Variants in ZNF710 observed in about 807,000 individuals in gnomAD.
The protein encoded by ZNF710 is zinc finger protein 710.
A neutral mutation model predicts 50.6 loss-of-function variants in ZNF710; 13 were observed. The ratio of observed to expected loss-of-function variants is 0.26; its 90% CI spans 0.17 to 0.41. ZNF710 has a LOEUF of 0.41. ZNF710 is among the 10% of genes least tolerant of loss of function. ZNF710 has a pLI of 1.00. For missense variants in ZNF710, 721 were observed against 936.6 expected (o/e 0.77, Z 3.01); for synonymous variants, 383 against 397.0 (o/e 0.96, Z 0.42).
At chr15:90,024,557 C>T (rs547475896) in intron 1 of ZNF710, among the ~76,000 whole-genome samples, 1 of 152,342 alleles carries the variant, frequency 6.6e-6, no homozygotes, top group South Asian at 2.1e-4. Flanking sequence ...GGGAAGGGAG[C>T]GCAGGTGGCT....
Position 90,068,310 on chromosome 15 carries a change from C to T in ZNF710, c.1173C>T (p.Pro391=), listed in dbSNP as rs750839895. The T allele has an allele frequency of 1.1e-5, 18 of 1,612,958 alleles. No homozygotes were observed. Among genetic ancestry groups the T allele is most frequent in the Non-Finnish European group, 1.4e-5 (17 of 1,180,026 alleles). Residue 391 remains proline, a synonymous_variant, in exon 2 of 5, where the codon CCC becomes CCT. Transcript: ENST00000268154. The surrounding 1 kb of genome is among the most constrained non-coding windows in gnomAD (Gnocchi z 5.0). ...TCTGCGGCCGCGGCTTCGCCTACCC[C>T]AGCGAGCTCAAGGCCCACGAAGTGA... ...CHFCGRGFAY[P]SELKAHEVKH... is the part of the protein sequence containing the mutation.
chr15:90,006,609 GA>G (rs1326343414), intron 1 of ZNF710: 1 of 152,642 alleles, frequency 6.6e-6, no homozygotes, highest in Non-Finnish European at 1.5e-5. Flanking sequence ...TAATCATGGA[GA>G]GGGGGAGGGG....
At chr15:90,043,188 C>T (rs1242015048) in intron 1 of ZNF710, among the ~76,000 whole-genome samples, 1 of 152,254 alleles carries the variant, frequency 6.6e-6, no homozygotes, top group East Asian at 1.9e-4. Context: ...GGTGAGTTGC[C>T]ACGGCTTTCA....
At position 90,034,152 on chromosome 15, in the gene ZNF710, C is replaced by T. The variant is rs776298068; in HGVS notation, c.-29+32538C>T. Among the ~76,000 whole-genome samples the T allele has an allele frequency of 1.5e-4, 22 of 151,618 alleles. No individual in the cohort carries two copies. Among genetic ancestry groups the T allele is most frequent in the Non-Finnish European group, 2.6e-4 (18 of 67,942 alleles). On this transcript the variant is annotated intron_variant, in intron 1 of 4. Transcript: ENST00000268154. This position sits in a 1 kb window ranked among gnomAD's most constrained non-coding sequence, Gnocchi z 4.0. The stretch of plus-strand genomic sequence containing the variant: ...GGCAGAGGTTGCAGTGAGCCGAGAT[C>T]GCATCATTGTACTCCAGCCTGGGTG...
Position 90,066,095 on chromosome 15 carries a change from G to C in ZNF710, c.-28-1015G>C. ...TGATATTTTTATCAGTATAAATTTA[G>C]ATATTTAAATGTATAACATTTAGCT... On this transcript the variant is annotated intron_variant, in intron 1 of 4. Coordinates refer to ENST00000268154, the MANE Select transcript of ZNF710 (RefSeq NM_198526.4). Among the ~76,000 whole-genome samples, 3 of 152,250 alleles carry C rather than the reference G, an allele frequency of 2.0e-5. No homozygotes were observed. In the South Asian group the frequency reaches 6.2e-4, roughly 32 times the overall value.
chr15:90,070,867 C>A (rs920519761), intron 2 of ZNF710, among the ~76,000 whole-genome samples: 1 of 152,138 alleles, frequency 6.6e-6, no homozygotes, highest in Admixed American at 6.5e-5. Context: ...GGCAATAAAA[C>A]CCTATGATGG....
intron 1 of ZNF710, among the ~76,000 whole-genome samples, chr15:90,001,869 G>T (rs1898019666): frequency 7.2e-6 from 1 of 138,300 alleles, no homozygotes; most frequent in Non-Finnish European, 1.6e-5. Context: ...AAGAGGGAGA[G>T]ATGGCGTCTG....
chr15:90,052,064 C>G, intron 1 of ZNF710, among the ~76,000 whole-genome samples: 1 of 152,116 alleles, frequency 6.6e-6, no homozygotes, highest in Non-Finnish European at 1.5e-5. Flanking sequence ...TCTCATCTCC[C>G]CCTCCTCGGA....
At chr15:90,007,462 C>T (rs931846885) in intron 1 of ZNF710, among the ~76,000 whole-genome samples, 3 of 151,998 alleles carry the variant, frequency 2.0e-5, no homozygotes, top group African/African-American at 7.2e-5. Flanking sequence ...CAGAAGGTTA[C>T]ATGTGTGCAC....
intron 1 of ZNF710, chr15:90,045,430 G>T (rs948922592): frequency 1.9e-5 from 19 of 983,676 alleles, no homozygotes; most frequent in Non-Finnish European, 2.3e-5. Flanking sequence ...CCTGGGTAAG[G>T]GTGCAGCTCT....
chr15:90,007,913 G>GC (rs1898179910), intron 1 of ZNF710, among the ~76,000 whole-genome samples: 1 of 151,980 alleles, frequency 6.6e-6, no homozygotes, highest in Non-Finnish European at 1.5e-5. Context: ...TGCCAGGCTA[G>GC]CCCATGAAAG....
At chr15:90,022,031 G>A (rs946771239) in intron 1 of ZNF710, among the ~76,000 whole-genome samples, 3 of 152,040 alleles carry the variant, frequency 2.0e-5, no homozygotes, top group Admixed American at 1.3e-4. Flanking sequence ...GCAGTGAGCT[G>A]AGATCCAGCC....
intron 1 of ZNF710, among the ~76,000 whole-genome samples, chr15:90,013,704 C>T (rs1055955831): frequency 1.3e-5 from 2 of 152,172 alleles, no homozygotes; most frequent in African/African-American, 4.8e-5. Flanking sequence ...TATCACCAGA[C>T]GCTCTCCTTT....
chr15:90,079,978 G>T lies in ZNF710; in HGVS notation c.*149G>T. 1.4e-6 allele frequency: 1 copy of T among 701,770 alleles called. No individual in the cohort carries two copies. The highest frequency in any genetic ancestry group is 2.2e-6 in the Non-Finnish European group (1 of 456,566). 43.5% of individuals were successfully genotyped at this position (701,770 alleles called of 1,614,324 possible). A position where few individuals can be genotyped will look rare whatever the true frequency, so the allele number is the denominator to read the frequency against. On this transcript the variant is annotated 3_prime_UTR_variant, in exon 5 of 5. Coordinates refer to ENST00000268154, the MANE Select transcript of ZNF710 (RefSeq NM_198526.4). ...TCCCCGAGTCATTTGCACCACTAGG[G>T]ACCTTTAGACCAAATGGAGACTGTA...
intron 1 of ZNF710, among the ~76,000 whole-genome samples, chr15:90,060,388 A>C (rs1899970067): frequency 6.6e-6 from 1 of 152,016 alleles, no homozygotes; most frequent in African/African-American, 2.4e-5. Context: ...CTCCACCTCT[A>C]CAAAAACAAT....
At chr15:90,006,405 C>T (rs1898142426) in intron 1 of ZNF710, among the ~76,000 whole-genome samples, 1 of 152,202 alleles carries the variant, frequency 6.6e-6, no homozygotes, top group African/African-American at 2.4e-5. Context: ...GATGCTGGCC[C>T]AGCCTGTTCC....
chr15:90,042,491 G>A (rs557257582), intron 1 of ZNF710, among the ~76,000 whole-genome samples: 86 of 152,086 alleles, frequency 5.7e-4, no homozygotes, highest in African/African-American at 2.0e-3. Context: ...GTTGAGACTC[G>A]CTCAATCAAT....
intron 1 of ZNF710, among the ~76,000 whole-genome samples, chr15:90,066,059 TC>T (rs990036186): frequency 5.5e-4 from 83 of 152,286 alleles, no homozygotes; most frequent in African/African-American, 1.8e-3. Flanking sequence ...ACGTATAAAA[TC>T]AGATAAAAGT....
intron 1 of ZNF710, among the ~76,000 whole-genome samples, chr15:90,061,752 T>G (rs542642558): frequency 6.6e-6 from 1 of 152,244 alleles, no homozygotes; most frequent in South Asian, 2.1e-4. Flanking sequence ...CTGTCACAGC[T>G]TGGGGAAGGG....
Sources: allele counts gnomAD v4.1 joint callset (sites outside exome capture counted in the v4.1 genomes callset), GRCh38; gene constraint gnomAD v4.1.1; non-coding constraint Gnocchi (gnomAD v3.1); transcripts MANE v1.5; gene names NCBI Gene and HGNC (gene_info 2026-07-23, HGNC 2026-07-21).